Variants in GRIA4 observed in about 807,000 individuals in gnomAD.
The protein encoded by GRIA4 is glutamate ionotropic receptor AMPA type subunit 4.
Under a neutral mutation model 104.0 loss-of-function variants are expected in GRIA4, and 34 were observed. The observed-to-expected ratio is 0.33, with a 90% CI of 0.25 to 0.44. GRIA4 has a LOEUF of 0.44. GRIA4 is among the 20% of genes least tolerant of loss of function. The probability of loss-of-function intolerance (pLI) is 1.00; values close to 1 mark genes in which losing one functional copy is unlikely to be tolerated. For synonymous variants in GRIA4, 386 were observed against 381.9 expected (o/e 1.01, Z -0.13); for missense variants, 750 against 1,096.5 (o/e 0.68, Z 4.46).
chr11:105,683,630 C>T (rs1591555330), intron 3 of GRIA4, among the ~76,000 whole-genome samples: 1 of 151,970 alleles, frequency 6.6e-6, no homozygotes, highest in South Asian at 2.1e-4. Context: ...CTCTTTTTTA[C>T]TACTTCTCTG....
At chr11:105,662,522 G>C (rs566173492) in intron 3 of GRIA4, among the ~76,000 whole-genome samples, 3 of 151,930 alleles carry the variant, frequency 2.0e-5, no homozygotes, top group Middle Eastern at 3.4e-3. Context: ...GAGAGTTCAA[G>C]TTAGAGACGA....
intron 4 of GRIA4, among the ~76,000 whole-genome samples, chr11:105,777,617 C>A (rs1941507261): frequency 6.6e-6 from 1 of 152,008 alleles, no homozygotes; most frequent in Non-Finnish European, 1.5e-5. Context: ...AACAATATAT[C>A]TTTTCTATAA....
At chr11:105,881,684 T>C (rs1382808685) in intron 5 of GRIA4, among the ~76,000 whole-genome samples, 2 of 151,916 alleles carry the variant, frequency 1.3e-5, no homozygotes, top group East Asian at 3.9e-4. Flanking sequence ...TCTCCAAGTA[T>C]AGAAGAAAAT....
At chr11:105,852,131 A>C (rs2135990198) in intron 4 of GRIA4, among the ~76,000 whole-genome samples, 1 of 152,284 alleles carries the variant, frequency 6.6e-6, no homozygotes, top group African/African-American at 2.4e-5. Context: ...GTCTGAGAGA[A>C]TCTCTTAGGT....
chr11:105,804,097 A>C (rs1054867217), intron 4 of GRIA4, among the ~76,000 whole-genome samples: 2 of 151,914 alleles, frequency 1.3e-5, no homozygotes, highest in African/African-American at 2.4e-5. Context: ...TTGATGCTGC[A>C]TTTATTTAAC....
At chr11:105,726,656 C>G (rs1591148362) in intron 3 of GRIA4, among the ~76,000 whole-genome samples, 1 of 152,062 alleles carries the variant, frequency 6.6e-6, no homozygotes, top group Non-Finnish European at 1.5e-5. Context: ...CTGGTGGGTC[C>G]CCCTCTGGAA....
rs779067095 is a variant in GRIA4 at position 105,974,388 on chromosome 11, C to T, written c.2488C>T (p.Leu830=). Residue 830 remains leucine, a synonymous_variant, in exon 16 of 17, where the codon CTG becomes TTG. Coordinates refer to ENST00000282499, the MANE Select transcript of GRIA4 (RefSeq NM_000829.4). The part of the protein sequence containing the change: ...ILVGGLGLAM[L]VALIEFCYKS... ...GGTTGGCGGCTTGGGCTTGGCAATG[C>T]TGGTGGCTTTGATAGAGTTCTGTTA... 2 of 1,613,922 alleles carry T rather than the reference C, an allele frequency of 1.2e-6. No homozygotes were observed. The highest frequency in any genetic ancestry group is 1.7e-6 in the Non-Finnish European group (2 of 1,179,870).
chr11:105,784,813 A>T (rs1277332859), intron 4 of GRIA4, among the ~76,000 whole-genome samples: 1 of 152,134 alleles, frequency 6.6e-6, no homozygotes, highest in African/African-American at 2.4e-5. Flanking sequence ...GCAAAACATA[A>T]CCCTTTTGCA....
intron 4 of GRIA4, among the ~76,000 whole-genome samples, chr11:105,781,586 A>G (rs1487285234): frequency 1.3e-5 from 2 of 152,154 alleles, no homozygotes; most frequent in African/African-American, 4.8e-5. Flanking sequence ...ACAAAAGGGA[A>G]TGCATCTATA....
chr11:105,909,950 A>G (rs1380783229), intron 9 of GRIA4, among the ~76,000 whole-genome samples: 3 of 152,222 alleles, frequency 2.0e-5, no homozygotes, highest in Non-Finnish European at 4.4e-5. Flanking sequence ...GGTTATATCA[A>G]ACCCAAAACC....
chr11:105,889,227 G>A lies in GRIA4; in HGVS notation c.726+1655G>A, dbSNP rs7926548. Reference sequence around the variant, plus strand: ...TATTTGTAATACTACAAAGGATATCGTAAACAGCCCTAGGAGATGGCAGTG... The same window carrying A: ...TATTTGTAATACTACAAAGGATATCATAAACAGCCCTAGGAGATGGCAGTG... On this transcript the variant is annotated intron_variant, in intron 6 of 16. Coordinates refer to ENST00000282499, the MANE Select transcript of GRIA4 (RefSeq NM_000829.4). Among the ~76,000 whole-genome samples the A allele has an allele frequency of 2.1e-3, 317 of 152,246 alleles. 2 individuals are homozygous for A. Among genetic ancestry groups the A allele is most frequent in the African/African-American group, 7.3e-3 (304 of 41,564 alleles).
intron 4 of GRIA4, among the ~76,000 whole-genome samples, chr11:105,804,819 A>C (rs2135849461): frequency 6.6e-6 from 1 of 152,146 alleles, no homozygotes; most frequent in African/African-American, 2.4e-5. Context: ...GCCACTGGCA[A>C]GTTGTATTAG....
At chr11:105,917,885 A>C (rs879425267) in intron 10 of GRIA4, among the ~76,000 whole-genome samples, 1 of 150,156 alleles carries the variant, frequency 6.7e-6, no homozygotes, top group Non-Finnish European at 1.5e-5. Flanking sequence ...ATTATTAGCC[A>C]CTGATAAACT....
chr11:105,963,760 C>T (rs143258276), intron 14 of GRIA4, among the ~76,000 whole-genome samples: 32 of 152,164 alleles, frequency 2.1e-4, no homozygotes, highest in East Asian at 1.2e-3. Context: ...ATTTTCTCAA[C>T]GTAAAGCTTT....
intron 4 of GRIA4, among the ~76,000 whole-genome samples, chr11:105,833,320 T>C (rs1944051415): frequency 6.6e-6 from 1 of 152,026 alleles, no homozygotes. Flanking sequence ...CACATGTATA[T>C]ATAAACATAT....
intron 3 of GRIA4, among the ~76,000 whole-genome samples, chr11:105,714,442 C>G (rs147692929): frequency 4.9e-4 from 74 of 152,096 alleles, no homozygotes; most frequent in African/African-American, 1.6e-3. Flanking sequence ...GTGAATAAGT[C>G]TCCATCATAA....
intron 4 of GRIA4, chr11:105,798,040 A>T (rs1942561979): frequency 3.1e-6 from 1 of 320,010 alleles, no homozygotes; most frequent in South Asian, 2.5e-5. Flanking sequence ...TAATAACACT[A>T]CTAAAATCAA....
intron 3 of GRIA4, among the ~76,000 whole-genome samples, chr11:105,742,298 C>T (rs183402779): frequency 6.6e-6 from 1 of 152,168 alleles, no homozygotes; most frequent in African/African-American, 2.4e-5. Flanking sequence ...AGCTTTAAAC[C>T]CCTACACATA....
At chr11:105,839,693 G>A (rs532993564) in intron 4 of GRIA4, among the ~76,000 whole-genome samples, 57 of 151,264 alleles carry the variant, frequency 3.8e-4, no homozygotes, top group African/African-American at 1.3e-3. Context: ...GGGCAACAGA[G>A]CAAGACTCCG....
Sources: gnomAD v4.1 joint callset for allele counts (sites outside exome capture counted in the v4.1 genomes callset) on GRCh38, gnomAD v4.1.1 for gene constraint, MANE v1.5 for transcripts, NCBI Gene and HGNC (gene_info 2026-07-23, HGNC 2026-07-21) for gene names.